The following CLSTN1 variants were observed in gnomAD, a reference collection of about 807,000 sequenced individuals.
CLSTN1 encodes the protein calsyntenin-1.
CLSTN1 carries 28 observed loss-of-function variants against 108.3 expected under a neutral mutation model. The observed-to-expected ratio is 0.26, with a 90% CI of 0.19 to 0.35. The LOEUF (loss-of-function observed/expected upper bound fraction) is 0.35. CLSTN1 is among the 10% of genes least tolerant of loss of function. CLSTN1 has a pLI of 1.00. For missense variants in CLSTN1, 1,157 were observed against 1,302.6 expected, an observed-to-expected ratio of 0.89 and a Z score of 1.72; for synonymous variants, 524 against 534.9, an observed-to-expected ratio of 0.98 and a Z score of 0.28.
chr1:9,761,911 T>C (rs1652092558), intron 2 of CLSTN1, among the ~76,000 whole-genome samples: 2 of 152,162 alleles, frequency 1.3e-5, no homozygotes, highest in East Asian at 1.9e-4. Flanking sequence ...GAACTGACTG[T>C]AGGCCAGAGA....
At chr1:9,822,977 T>A (rs1166135070) in intron 1 of CLSTN1, among the ~76,000 whole-genome samples, 1 of 152,044 alleles carries the variant, frequency 6.6e-6, no homozygotes, top group East Asian at 1.9e-4. Flanking sequence ...CTCATCGCGA[T>A]TTCACCTTTG....
rs560485025 is a variant in CLSTN1, at chr1:9,758,213, G to T, written c.215-1703C>A. Among the ~76,000 whole-genome samples the T allele has an allele frequency of 7.2e-5, 11 of 152,204 alleles. 1 individual carries two copies. The South Asian group carries it at 2.3e-3, about 32-fold the overall frequency. ...TCTCTGTGTTGGTCAGGCTGGTCTC[G>T]AACTCCTGGCATCAGGTGATCCGCC... is the stretch of plus-strand genomic sequence containing the variant. On this transcript the variant is annotated intron_variant, in intron 2 of 18. Transcript: ENST00000377298.
At chr1:9,769,893 G>A (rs1318579486) in intron 2 of CLSTN1, among the ~76,000 whole-genome samples, 2 of 152,076 alleles carry the variant, frequency 1.3e-5, no homozygotes, top group African/African-American at 4.8e-5. Context: ...AGCCGGGCGC[G>A]GTGGCGGACT....
chr1:9,758,301 GT>G (rs1651914789), intron 2 of CLSTN1, among the ~76,000 whole-genome samples: 1 of 146,074 alleles, frequency 6.8e-6, no homozygotes, highest in East Asian at 2.2e-4. Flanking sequence ...CCCACGTGCA[GT>G]TTTTATGACT....
chr1:9,748,516 C>A (rs1006947557), intron 7 of CLSTN1, among the ~76,000 whole-genome samples: 1 of 152,204 alleles, frequency 6.6e-6, no homozygotes, highest in Admixed American at 6.5e-5. Context: ...GAGACAGGTT[C>A]TCACTCTGTC....
At position 9,793,494 on chromosome 1, in the gene CLSTN1, G is replaced by A. The variant is rs113228474; in HGVS notation, c.92-20100C>T. On this transcript the variant is annotated intron_variant, in intron 1 of 18. Transcript: ENST00000377298. Reference sequence around the variant, plus strand: ...TCTGAGACAATCAATCTGACCTGGCGCTGACAGGTTTGCTGTGGAACAATT... The same window carrying A: ...TCTGAGACAATCAATCTGACCTGGCACTGACAGGTTTGCTGTGGAACAATT... 1.3e-3 allele frequency among the ~76,000 whole-genome samples: 204 copies of A among 151,558 alleles called. 1 individual carries two copies. The highest frequency in any genetic ancestry group is 4.7e-3 in the African/African-American group (194 of 41,518).
intron 9 of CLSTN1, 62 bp downstream of exon 9, chr1:9,743,822 T>C: frequency 1.3e-6 from 2 of 1,584,258 alleles, no homozygotes; most frequent in South Asian, 1.1e-5. Flanking sequence ...CCTCCCAAAG[T>C]GCTGGGATTA....
chr1:9,761,378 G>A (rs1056515504), intron 2 of CLSTN1, among the ~76,000 whole-genome samples: 10 of 151,912 alleles, frequency 6.6e-5, no homozygotes, highest in African/African-American at 1.9e-4. Flanking sequence ...CTGAGGTCCC[G>A]GCTACTTGGG....
chr1:9,733,628 G>A, intron 15 of CLSTN1, 82 bp from the exon 16 acceptor site: 3 of 1,547,110 alleles, frequency 1.9e-6, no homozygotes, highest in Non-Finnish European at 1.8e-6. Context: ...GCACAGGCAG[G>A]CTCAATTAGA....
At chr1:9,739,877 T>C (rs1650887396) in intron 10 of CLSTN1, among the ~76,000 whole-genome samples, 1 of 147,692 alleles carries the variant, frequency 6.8e-6, no homozygotes, top group African/African-American at 2.5e-5. Context: ...AGTGCAGTGG[T>C]GCTATCTCGG....
At chr1:9,784,678 T>C (rs1653400915) in intron 1 of CLSTN1, among the ~76,000 whole-genome samples, 1 of 152,198 alleles carries the variant, frequency 6.6e-6, no homozygotes, top group Admixed American at 6.5e-5. Flanking sequence ...CAGATTCAAC[T>C]TTTAAACCTT....
chr1:9,808,626 G>A (rs908382968), intron 1 of CLSTN1, among the ~76,000 whole-genome samples: 2 of 152,092 alleles, frequency 1.3e-5, no homozygotes, highest in Admixed American at 1.3e-4. Flanking sequence ...AGGTAGTCAG[G>A]AATTTCAGCA....
At chr1:9,786,757 A>G (rs543865854) in intron 1 of CLSTN1, among the ~76,000 whole-genome samples, 1 of 150,346 alleles carries the variant, frequency 6.7e-6, no homozygotes, top group Non-Finnish European at 1.5e-5. Flanking sequence ...GTCCGCCACC[A>G]GGCGGTCTAT....
chr1:9,792,637 C>T (rs576319437), intron 1 of CLSTN1, among the ~76,000 whole-genome samples: 33 of 151,470 alleles, frequency 2.2e-4, no homozygotes, highest in African/African-American at 7.7e-4. Flanking sequence ...CCCTTGGCTA[C>T]GGTATCCCTG....
intron 1 of CLSTN1, among the ~76,000 whole-genome samples, chr1:9,805,369 G>T (rs1010688800): frequency 6.6e-6 from 1 of 152,166 alleles, no homozygotes; most frequent in Non-Finnish European, 1.5e-5. Context: ...CGGGGGCAGG[G>T]AGGAATCCCC....
intron 7 of CLSTN1, among the ~76,000 whole-genome samples, chr1:9,744,901 G>A (rs1557695291): frequency 6.6e-6 from 1 of 151,894 alleles, no homozygotes; most frequent in East Asian, 1.9e-4. Context: ...TTACAGGCGC[G>A]CCCCATTAAA....
intron 1 of CLSTN1, among the ~76,000 whole-genome samples, chr1:9,793,781 C>CA (rs1460041355): frequency 6.6e-6 from 1 of 151,454 alleles, no homozygotes. Context: ...CTCCCTGAAG[C>CA]AAAATCATCT....
intron 4 of CLSTN1, among the ~76,000 whole-genome samples, chr1:9,752,497 G>A (rs1384411286): frequency 6.6e-6 from 1 of 152,156 alleles, no homozygotes; most frequent in Non-Finnish European, 1.5e-5. Context: ...CAGTGCCATC[G>A]GTCTGACCCT....
At chr1:9,755,984 C>G (rs1459808298) in intron 3 of CLSTN1, among the ~76,000 whole-genome samples, 1 of 152,162 alleles carries the variant, frequency 6.6e-6, no homozygotes, top group East Asian at 1.9e-4. Flanking sequence ...CTAGACTTGC[C>G]TTTGTTTCGG....
Sources: gnomAD v4.1 joint callset for allele counts (sites outside exome capture counted in the v4.1 genomes callset) on GRCh38, gnomAD v4.1.1 for gene constraint, MANE v1.5 for transcripts, NCBI Gene and HGNC (gene_info 2026-07-23, HGNC 2026-07-21) for gene names.